PCP4: variants seen among roughly 807,000 people sequenced by gnomAD.
The protein encoded by PCP4 is calmodulin regulator protein PCP4.
In PCP4, 8 loss-of-function variants were observed where a neutral mutation model predicts 10.0. The ratio of observed to expected loss-of-function variants is 0.80; its 90% CI spans 0.47 to 1.45. PCP4 has a LOEUF of 1.45. PCP4 is among the 40% of genes most tolerant of loss of function. PCP4 has a pLI of 0.00. For missense variants in PCP4, 54 were observed against 74.4 expected (o/e 0.73, Z 1.01); for synonymous variants, 21 against 23.0 (o/e 0.91, Z 0.24).
At chr21:39,897,774 C>T (rs922696746) in intron 1 of PCP4, among the ~76,000 whole-genome samples, 4 of 151,730 alleles carry the variant, frequency 2.6e-5, no homozygotes, top group Admixed American at 6.6e-5. Context: ...GGGCCGGGCG[C>T]GGTGGCTCAC....
Position 39,867,451 on chromosome 21 carries a change from C to A in PCP4, c.-51C>A. Reference sequence around the variant, plus strand: ...AACCGGTGGAGCAGCGACCCCTGAGCAGTGTTCTCTGTGCTGAGCGGCGGG... The same window carrying A: ...AACCGGTGGAGCAGCGACCCCTGAGAAGTGTTCTCTGTGCTGAGCGGCGGG... On this transcript the variant is annotated 5_prime_UTR_variant, in exon 1 of 3. Transcript: ENST00000328619. 1 of 1,610,628 alleles carries A rather than the reference C, an allele frequency of 6.2e-7. No individual in the cohort carries two copies. The highest frequency in any genetic ancestry group is 8.5e-7 in the Non-Finnish European group (1 of 1,176,842).
At chr21:39,889,107 G>C (rs2087415867) in intron 1 of PCP4, among the ~76,000 whole-genome samples, 1 of 152,152 alleles carries the variant, frequency 6.6e-6, no homozygotes, top group Non-Finnish European at 1.5e-5. Context: ...GGCCTCTGTG[G>C]GTCCAGTTGT....
chr21:39,899,610 G>T (rs1371196669), intron 2 of PCP4, among the ~76,000 whole-genome samples: 1 of 152,144 alleles, frequency 6.6e-6, no homozygotes. Context: ...GGGTAAAGGG[G>T]TCATCATATC....
At chr21:39,888,227 G>A (rs752237861) in intron 1 of PCP4, among the ~76,000 whole-genome samples, 6 of 152,226 alleles carry the variant, frequency 3.9e-5, no homozygotes, top group African/African-American at 7.2e-5. Context: ...CCATGAGAAC[G>A]AGATGGATTT....
At chr21:39,927,373 T>TATCTATCTATC (rs1568863912) in intron 2 of PCP4, among the ~76,000 whole-genome samples, 9 of 11,372 alleles carry the variant, frequency 7.9e-4, no homozygotes, top group African/African-American at 2.2e-3. Context: ...ATCTATCATC[T>TATCTATCTATC]ATCTATCTAT....
chr21:39,922,038 G>C (rs978805830), intron 2 of PCP4, among the ~76,000 whole-genome samples: 4 of 152,118 alleles, frequency 2.6e-5, no homozygotes, highest in African/African-American at 9.7e-5. Context: ...AAAAAATAGA[G>C]ACAGGATCTC....
At chr21:39,895,141 T>C (rs77703348) in intron 1 of PCP4, among the ~76,000 whole-genome samples, 3,248 of 150,960 alleles carry the variant, frequency 0.022, 48 homozygotes, top group Middle Eastern at 0.034. Flanking sequence ...CCATCCATTC[T>C]TCCATCCATC....
At chr21:39,907,050 C>A (rs553678910) in intron 2 of PCP4, among the ~76,000 whole-genome samples, 1 of 152,146 alleles carries the variant, frequency 6.6e-6, no homozygotes. Context: ...TCAGGCTGGG[C>A]CAAATGATAA....
rs144110986 is a variant in PCP4, at chr21:39,870,542, A to G, written c.9+3032A>G. Among the ~76,000 whole-genome samples the G allele has an allele frequency of 7.9e-5, 12 of 152,298 alleles. No homozygotes were observed. The East Asian group carries it at 2.3e-3, about 29-fold the overall frequency. ...GAAAAATGACTACCTTTGTTCAGCC[A>G]CTTCATAGAGCTTTTGAAAAAAGAG... On this transcript the variant is annotated intron_variant, in intron 1 of 2. Coordinates refer to ENST00000328619, the MANE Select transcript of PCP4 (RefSeq NM_006198.3).
chr21:39,911,099 A>G (rs1229423004), intron 2 of PCP4, among the ~76,000 whole-genome samples: 1 of 151,974 alleles, frequency 6.6e-6, no homozygotes, highest in Non-Finnish European at 1.5e-5. Context: ...GTAAGCATCA[A>G]GGGGATATCG....
chr21:39,875,888 T>C (rs1256692106), intron 1 of PCP4, among the ~76,000 whole-genome samples: 1 of 152,164 alleles, frequency 6.6e-6, no homozygotes, highest in Non-Finnish European at 1.5e-5. Context: ...GTAATTCCAA[T>C]AGACTTTTTG....
intron 1 of PCP4, among the ~76,000 whole-genome samples, chr21:39,877,580 C>G (rs1352944796): frequency 1.3e-5 from 2 of 151,730 alleles, no homozygotes; most frequent in Admixed American, 6.6e-5. Flanking sequence ...TCCTGTAGTC[C>G]CAGCTACTCA....
chr21:39,926,714 C>G (rs2087623316), intron 2 of PCP4, among the ~76,000 whole-genome samples: 1 of 152,236 alleles, frequency 6.6e-6, no homozygotes, highest in Non-Finnish European at 1.5e-5. Flanking sequence ...AGACACTTGA[C>G]CTCCAGTCCC....
intron 1 of PCP4, among the ~76,000 whole-genome samples, chr21:39,891,842 T>C (rs1361171660): frequency 6.6e-6 from 1 of 152,226 alleles, no homozygotes; most frequent in African/African-American, 2.4e-5. Flanking sequence ...TCAAAGACTT[T>C]AAGACTTTCA....
In PCP4 at chr21:39,929,303, G is replaced by A; in HGVS notation, c.*192G>A. On this transcript the variant is annotated 3_prime_UTR_variant, in exon 3 of 3. Coordinates refer to ENST00000328619, the MANE Select transcript of PCP4 (RefSeq NM_006198.3). Reference sequence around the variant, plus strand: ...GAAGGTATAGACAATGGAATTGTGAGTAGCTTAATCTCTATGTTTCTCTCC... The same window carrying A: ...GAAGGTATAGACAATGGAATTGTGAATAGCTTAATCTCTATGTTTCTCTCC... 1 of 423,810 alleles carries A rather than the reference G, an allele frequency of 2.4e-6. No homozygotes were observed. The highest frequency in any genetic ancestry group is 4.1e-6 in the Non-Finnish European group (1 of 242,008). 26.3% of individuals were successfully genotyped at this position (423,810 alleles called of 1,614,324 possible).
chr21:39,902,584 A>G (rs908574478), intron 2 of PCP4, among the ~76,000 whole-genome samples: 3 of 152,116 alleles, frequency 2.0e-5, no homozygotes, highest in African/African-American at 7.2e-5. Flanking sequence ...CCTACTGCAT[A>G]CTCTCCAGAA....
chr21:39,891,666 A>G (rs1213864572), intron 1 of PCP4, among the ~76,000 whole-genome samples: 1 of 152,242 alleles, frequency 6.6e-6, no homozygotes, highest in Non-Finnish European at 1.5e-5. Context: ...TATTTATTGC[A>G]TACAAGACAA....
At chr21:39,909,503 A>C (rs1217975169) in intron 2 of PCP4, among the ~76,000 whole-genome samples, 1 of 152,142 alleles carries the variant, frequency 6.6e-6, no homozygotes, top group Non-Finnish European at 1.5e-5. Context: ...ACCTGCTGGG[A>C]TCTCCTTGCA....
intron 1 of PCP4, 136 bp from the exon 2 acceptor site, chr21:39,898,340 A>G (rs777894675): frequency 1.3e-6 from 1 of 781,386 alleles, no homozygotes; most frequent in South Asian, 1.4e-5. Context: ...TCACTAGCAC[A>G]GTGCTTTAGC....
Sources: allele counts gnomAD v4.1 joint callset (sites outside exome capture counted in the v4.1 genomes callset), GRCh38; gene constraint gnomAD v4.1.1; transcripts MANE v1.5; gene names NCBI Gene and HGNC (gene_info 2026-07-23, HGNC 2026-07-21).